The following ASAH2 variants were observed in gnomAD, a reference collection of about 807,000 sequenced individuals.
ASAH2 encodes the protein N-acylsphingosine amidohydrolase 2.
ASAH2 carries 58 observed loss-of-function variants against 82.9 expected under a neutral mutation model. That is an observed-to-expected ratio of 0.70 (90% CI 0.57 to 0.87). The LOEUF (loss-of-function observed/expected upper bound fraction) is 0.87. Among genes scored for constraint, ASAH2 ranks in the 40% least tolerant of loss-of-function variants. ASAH2 has a pLI of 0.00. For missense variants in ASAH2, 779 were observed against 834.0 expected (o/e 0.93, Z 0.81); for synonymous variants, 276 against 289.7 (o/e 0.95, Z 0.48).
At chr10:50,239,422 C>CAAAACAACACATTA (rs1476285151) in intron 4 of ASAH2, among the ~76,000 whole-genome samples, 1 of 152,078 alleles carries the variant, frequency 6.6e-6, no homozygotes, top group Non-Finnish European at 1.5e-5. Flanking sequence ...ATAACACCTA[C>CAAAACAACACATTA]AAAACAACAC....
At chr10:50,249,531 A>T (rs1031203555) in intron 1 of ASAH2, among the ~76,000 whole-genome samples, 1 of 152,192 alleles carries the variant, frequency 6.6e-6, no homozygotes, top group African/African-American at 2.4e-5. Context: ...CACTTACTGG[A>T]TGACTTTGGG....
In ASAH2 at chr10:50,243,300, A is replaced by G; in HGVS notation, c.412T>C (p.Tyr138His). The G allele has an allele frequency of 6.2e-7, 1 of 1,614,168 alleles. No individual in the cohort carries two copies. The highest frequency in any genetic ancestry group is 8.5e-7 in the Non-Finnish European group (1 of 1,179,984). The change falls in exon 4 of 21, where the codon TAC becomes CAC. Residue 138 changes from tyrosine to histidine, a missense_variant. By Grantham distance (83) the Tyr-to-His change is moderately conservative (BLOSUM62 2). Transcript: ENST00000682911. ...QNAQGILTRL[Y>H]SRAFIMAEPD... Reference sequence around the variant, plus strand: ...TCTGCCATGATGAAGGCACGACTGTATAGCCTGGTGAGGATGCCCTGTGCA... The same window carrying G: ...TCTGCCATGATGAAGGCACGACTGTGTAGCCTGGTGAGGATGCCCTGTGCA...
chr10:50,215,316 A>G (rs1481903987), intron 8 of ASAH2, among the ~76,000 whole-genome samples: 1 of 150,008 alleles, frequency 6.7e-6, no homozygotes, highest in East Asian at 1.9e-4. Context: ...ACCATTTATT[A>G]AATAGGGGAT....
intron 4 of ASAH2, among the ~76,000 whole-genome samples, chr10:50,237,838 G>A (rs1846198247): frequency 6.6e-6 from 1 of 152,176 alleles, no homozygotes; most frequent in African/African-American, 2.4e-5. Flanking sequence ...ATAAATGCTT[G>A]AAGGGATGGG....
chr10:50,215,688 T>C (rs1328946116), intron 8 of ASAH2, among the ~76,000 whole-genome samples: 1 of 152,150 alleles, frequency 6.6e-6, no homozygotes, highest in Non-Finnish European at 1.5e-5. Flanking sequence ...TACCATGCTG[T>C]TTTGGTTACT....
intron 2 of ASAH2, among the ~76,000 whole-genome samples, chr10:50,245,697 C>A (rs77391963): frequency 7.2e-4 from 110 of 152,292 alleles, no homozygotes; most frequent in African/African-American, 2.6e-3. Flanking sequence ...CTCCTCATCA[C>A]GAGCCATTCC....
At chr10:50,198,122 C>T (rs1845038875) in intron 17 of ASAH2, among the ~76,000 whole-genome samples, 1 of 151,900 alleles carries the variant, frequency 6.6e-6, no homozygotes, top group Non-Finnish European at 1.5e-5. Flanking sequence ...TCAATTGATG[C>T]AACCTACAGA....
chr10:50,249,800 T>C (rs183085470), intron 1 of ASAH2, among the ~76,000 whole-genome samples: 19 of 152,290 alleles, frequency 1.2e-4, no homozygotes, highest in African/African-American at 3.4e-4. Flanking sequence ...TAAAGGATGA[T>C]TGGAATCACA....
In ASAH2 at chr10:50,227,398, T is replaced by C. The variant is rs1424521381; in HGVS notation, c.893+5786A>G. ...TTTTATAGTATTTTAAAGCTTCTAGTGCACAGTGAGTGAAACCAAGTGAGC... is the reference window on the plus strand; with the variant it reads ...TTTTATAGTATTTTAAAGCTTCTAGCGCACAGTGAGTGAAACCAAGTGAGC... On this transcript the variant is annotated intron_variant, in intron 7 of 20. Coordinates refer to ENST00000682911, the MANE Select transcript of ASAH2 (RefSeq NM_019893.4). 2.0e-5 allele frequency among the ~76,000 whole-genome samples: 3 copies of C among 152,236 alleles called. No individual in the cohort carries two copies. The South Asian group carries it at 6.2e-4, about 32-fold the overall frequency.
At chr10:50,208,733 C>T (rs1274161791) in intron 12 of ASAH2, among the ~76,000 whole-genome samples, 1 of 152,042 alleles carries the variant, frequency 6.6e-6, no homozygotes, top group Non-Finnish European at 1.5e-5. Context: ...TGGCAATACT[C>T]CCCCAAATTA....
chr10:50,234,324 T>C (rs1338152371), intron 6 of ASAH2, 101 bp downstream of exon 6: 3 of 1,517,792 alleles, frequency 2.0e-6, no homozygotes, highest in Non-Finnish European at 2.7e-6. Flanking sequence ...AATACTCTCT[T>C]GGGACCTCAC....
Position 50,194,985 on chromosome 10 carries a change from G to GT in ASAH2, c.2004+1787dup, listed in dbSNP as rs1413556011. ...GCTCCATGATGTTGGTGTAGGCGAT[G>GT]TTTTTTTTTTTTTAATATGACCCCT... On this transcript the variant is annotated intron_variant, in intron 18 of 20. Coordinates refer to ENST00000682911, the MANE Select transcript of ASAH2 (RefSeq NM_019893.4). Among the ~76,000 whole-genome samples the GT allele has an allele frequency of 4.2e-3, 603 of 142,422 alleles. 1 individual carries two copies. Among genetic ancestry groups the GT allele is most frequent in the Admixed American group, 5.9e-3 (84 of 14,180 alleles). The allele number at this position is 142,422 out of a possible 152,430, so 93.4% of individuals were successfully genotyped here.
intron 5 of ASAH2, 112 bp from the exon 6 acceptor site, chr10:50,234,664 G>C: frequency 7.0e-7 from 1 of 1,427,210 alleles, no homozygotes; most frequent in Non-Finnish European, 9.8e-7. Flanking sequence ...GTCTCTAATG[G>C]GTCCACATTA....
intron 4 of ASAH2, among the ~76,000 whole-genome samples, chr10:50,237,498 T>A (rs1846191116): frequency 6.6e-6 from 1 of 152,216 alleles, no homozygotes; most frequent in African/African-American, 2.4e-5. Context: ...ACTCTGGGAA[T>A]CCTGACACAC....
At chr10:50,222,139 T>A (rs990045166) in intron 7 of ASAH2, among the ~76,000 whole-genome samples, 3 of 152,210 alleles carry the variant, frequency 2.0e-5, no homozygotes, top group African/African-American at 7.2e-5. Context: ...TTGGGAATCA[T>A]GTTGATTGGC....
At chr10:50,194,644 A>C (rs1184805349) in intron 18 of ASAH2, among the ~76,000 whole-genome samples, 2 of 151,254 alleles carry the variant, frequency 1.3e-5, no homozygotes, top group East Asian at 3.9e-4. Context: ...GTACCACACA[A>C]CCTGACTTCA....
intron 12 of ASAH2, among the ~76,000 whole-genome samples, chr10:50,208,158 C>T (rs1589328831): frequency 6.6e-6 from 1 of 151,902 alleles, no homozygotes; most frequent in Non-Finnish European, 1.5e-5. Flanking sequence ...AAGTAAATTT[C>T]CTCAACCTGA....
Position 50,251,158 on chromosome 10 carries a change from A to C in ASAH2, c.-37+237T>G, listed in dbSNP as rs561283144. Among the ~76,000 whole-genome samples, 4 of 152,358 alleles carry C rather than the reference A, an allele frequency of 2.6e-5. No individual in the cohort carries two copies. In the South Asian group the frequency reaches 8.3e-4, roughly 32 times the overall value. On this transcript the variant is annotated intron_variant, in intron 1 of 20. Transcript: ENST00000682911. ...AATGGTTCACACTTAATCTGTAATA[A>C]TCCTGAAAACTCAGTAATGAGGCTC... is the stretch of plus-strand genomic sequence containing the variant.
intron 10 of ASAH2, 116 bp downstream of exon 10, chr10:50,212,856 G>A: frequency 9.3e-7 from 1 of 1,071,876 alleles, no homozygotes; most frequent in Non-Finnish European, 1.4e-6. Flanking sequence ...AGACTCCCCA[G>A]CACAACCTGA....
Sources: gnomAD v4.1 joint callset for allele counts (sites outside exome capture counted in the v4.1 genomes callset) on GRCh38, gnomAD v4.1.1 for gene constraint, MANE v1.5 for transcripts, NCBI Gene and HGNC (gene_info 2026-07-23, HGNC 2026-07-21) for gene names.